FHOD3: variants seen among roughly 807,000 people sequenced by gnomAD.
The protein encoded by FHOD3 is formin homology 2 domain containing 3.
In FHOD3, 90 loss-of-function variants were observed where a neutral mutation model predicts 173.0. That is an observed-to-expected ratio of 0.52 (90% confidence interval 0.44 to 0.62). The LOEUF (loss-of-function observed/expected upper bound fraction) is 0.62, where lower values mean the gene tolerates loss of function less well. FHOD3 is among the 20% of genes least tolerant of loss of function. The pLI, the probability that FHOD3 is intolerant of heterozygous loss-of-function variation, is 0.00. For missense variants in FHOD3, 1,945 were observed against 2,034.7 expected, an observed-to-expected ratio of 0.96 and a Z score of 0.85; for synonymous variants, 828 against 823.0, an observed-to-expected ratio of 1.01 and a Z score of -0.10.
chr18:36,661,818 A>G (rs1022975325), intron 14 of FHOD3, among the ~76,000 whole-genome samples: 3 of 152,210 alleles, frequency 2.0e-5, no homozygotes, highest in African/African-American at 7.2e-5. Flanking sequence ...CATATCTCCT[A>G]TTATAGCTTT....
intron 7 of FHOD3, among the ~76,000 whole-genome samples, chr18:36,598,804 C>T (rs2030904502): frequency 1.3e-5 from 2 of 152,224 alleles, no homozygotes; most frequent in Non-Finnish European, 2.9e-5. Context: ...CCGCCTCGGC[C>T]TCCCAAAGTG....
intron 5 of FHOD3, among the ~76,000 whole-genome samples, chr18:36,543,461 G>A (rs957476434): frequency 1.4e-4 from 21 of 152,122 alleles, no homozygotes; most frequent in African/African-American, 4.6e-4. Context: ...TGGACCATAC[G>A]CTGTCATATA....
rs116534124 is a variant in FHOD3 at position 36,697,804 on chromosome 18, A to G, written c.2236+4381A>G. 4.2e-3 allele frequency among the ~76,000 whole-genome samples: 641 copies of G among 152,378 alleles called. 8 individuals carry two copies. Among genetic ancestry groups the G allele is most frequent in the African/African-American group, 0.015 (606 of 41,598 alleles). ...TGGAAATAAAATTTAGACATAGAGT[A>G]TCATGAAATGTTTAGTTTGTCTAAA... On this transcript the variant is annotated intron_variant, in intron 17 of 28. Transcript: ENST00000590592.
At chr18:36,309,484 A>G (rs1233942760) in intron 1 of FHOD3, among the ~76,000 whole-genome samples, 1 of 152,164 alleles carries the variant, frequency 6.6e-6, no homozygotes, top group Non-Finnish European at 1.5e-5. Flanking sequence ...ATTTCAGGTG[A>G]TGGTGCTCAC....
At chr18:36,308,300 A>G (rs935073221) in intron 1 of FHOD3, among the ~76,000 whole-genome samples, 2 of 152,208 alleles carry the variant, frequency 1.3e-5, no homozygotes, top group Non-Finnish European at 2.9e-5. Flanking sequence ...TTCATCTTGG[A>G]TAGGAGCAGT....
chr18:36,574,121 C>T (rs1568445030), intron 5 of FHOD3, among the ~76,000 whole-genome samples: 1 of 152,128 alleles, frequency 6.6e-6, no homozygotes, highest in African/African-American at 2.4e-5. Context: ...TATAAAGTCC[C>T]TCTGGAGAAC....
chr18:36,616,424 C>T (rs781498336), intron 9 of FHOD3, among the ~76,000 whole-genome samples: 3 of 152,216 alleles, frequency 2.0e-5, no homozygotes, highest in African/African-American at 4.8e-5. Flanking sequence ...AAACTATCCT[C>T]TGCTTCAGGG....
intron 10 of FHOD3, among the ~76,000 whole-genome samples, chr18:36,646,243 A>G (rs1370609232): frequency 6.8e-6 from 1 of 147,532 alleles, no homozygotes; most frequent in Non-Finnish European, 1.5e-5. Flanking sequence ...TTATTTCTAT[A>G]TACTATCAAC....
chr18:36,562,055 T>C (rs138008580), intron 5 of FHOD3, among the ~76,000 whole-genome samples: 8 of 151,272 alleles, frequency 5.3e-5, no homozygotes, highest in African/African-American at 1.9e-4. Context: ...CTCACTCTGT[T>C]ACCCAGGCTG....
chr18:36,745,365 C>T (rs985147279), intron 23 of FHOD3, among the ~76,000 whole-genome samples: 1 of 152,296 alleles, frequency 6.6e-6, no homozygotes, highest in Non-Finnish European at 1.5e-5. Flanking sequence ...CCATGAAACC[C>T]TGCATACCTG....
At chr18:36,756,967 C>A (rs117428010) in intron 25 of FHOD3, among the ~76,000 whole-genome samples, 1 of 152,094 alleles carries the variant, frequency 6.6e-6, no homozygotes, top group South Asian at 2.1e-4. Flanking sequence ...CTGTGGCCCA[C>A]ATTTTATTCA....
intron 3 of FHOD3, among the ~76,000 whole-genome samples, chr18:36,418,527 A>T (rs1239897237): frequency 6.6e-6 from 1 of 152,178 alleles, no homozygotes; most frequent in East Asian, 1.9e-4. Context: ...GTTTATGATG[A>T]TGAAAGTGTG....
intron 3 of FHOD3, among the ~76,000 whole-genome samples, chr18:36,485,766 G>A (rs927860043): frequency 1.3e-5 from 2 of 152,212 alleles, no homozygotes; most frequent in Non-Finnish European, 2.9e-5. Context: ...CCATGAGGGT[G>A]ATTATTAACT....
chr18:36,401,313 A>G (rs1333381720), intron 3 of FHOD3, among the ~76,000 whole-genome samples: 1 of 152,140 alleles, frequency 6.6e-6, no homozygotes. Flanking sequence ...TGCTACCTAT[A>G]AGGAACAAGA....
chr18:36,396,743 C>G (rs978860105), intron 3 of FHOD3, among the ~76,000 whole-genome samples: 5 of 152,152 alleles, frequency 3.3e-5, no homozygotes, highest in Non-Finnish European at 7.3e-5. Flanking sequence ...ATTGTCTGTA[C>G]AGATGTTATT....
intron 24 of FHOD3, 80 bp downstream of exon 24, chr18:36,747,215 G>T: frequency 8.5e-7 from 1 of 1,179,898 alleles, no homozygotes; most frequent in Admixed American, 2.6e-5. Context: ...AGAGCCGATG[G>T]TTAAATTTAC....
chr18:36,658,229 G>A, intron 14 of FHOD3, 41 bp downstream of exon 14: 1 of 1,353,030 alleles, frequency 7.4e-7, no homozygotes, highest in South Asian at 1.3e-5. Context: ...CAGTCCTCAA[G>A]TGAGGGGAAT....
Position 36,474,831 on chromosome 18 carries a change from G to T in FHOD3, c.338-27101G>T, listed in dbSNP as rs562055930. The stretch of plus-strand genomic sequence containing the variant: ...CTGGGAGTAAATTCCTGAGGCCTGG[G>T]GCCCTCTGGCTGGAATGAGCCCTCT... On this transcript the variant is annotated intron_variant, in intron 3 of 28. Transcript: ENST00000590592. Among the ~76,000 whole-genome samples the T allele has an allele frequency of 3.6e-4, 55 of 152,200 alleles. No homozygotes were observed. In the East Asian group the frequency reaches 0.01, roughly 28 times the overall value.
chr18:36,773,273 C>T lies in FHOD3; in HGVS notation c.4786+3847C>T, dbSNP rs547351934. ...GTCTGTAAGTCCCCCCCACAGTGTCCGCCTGAGTGCCAGGTTCAAAAGGAT... is the reference window on the plus strand; with the variant it reads ...GTCTGTAAGTCCCCCCCACAGTGTCTGCCTGAGTGCCAGGTTCAAAAGGAT... On this transcript the variant is annotated intron_variant, in intron 28 of 28. Transcript: ENST00000590592. Among the ~76,000 whole-genome samples the T allele has an allele frequency of 4.6e-5, 7 of 152,244 alleles. No individual in the cohort carries two copies. The East Asian group carries it at 1.4e-3, about 29-fold the overall frequency.
Sources: allele counts gnomAD v4.1 joint callset (sites outside exome capture counted in the v4.1 genomes callset), GRCh38; gene constraint gnomAD v4.1.1; transcripts MANE v1.5; gene names NCBI Gene and HGNC (gene_info 2026-07-23, HGNC 2026-07-21).